PTPN4: variants seen among roughly 807,000 people sequenced by gnomAD.
PTPN4 encodes the protein protein tyrosine phosphatase non-receptor type 4.
A neutral mutation model predicts 135.5 loss-of-function variants in PTPN4; 49 were observed. That is an observed-to-expected ratio of 0.36 (90% confidence interval 0.29 to 0.46). PTPN4 has a LOEUF of 0.46. Among genes scored for constraint, PTPN4 ranks in the 20% least tolerant of loss-of-function variants. The pLI is 1.00. For missense variants in PTPN4, 860 were observed against 1,101.0 expected, an observed-to-expected ratio of 0.78 and a Z score of 3.10; for synonymous variants, 333 against 369.9, an observed-to-expected ratio of 0.90 and a Z score of 1.14.
intron 10 of PTPN4, among the ~76,000 whole-genome samples, chr2:119,907,200 A>G (rs565019390): frequency 2.2e-4 from 34 of 152,354 alleles, no homozygotes; most frequent in Admixed American, 3.9e-4. Flanking sequence ...TAGAAAAATT[A>G]GTACTGTGAA....
At position 119,803,587 on chromosome 2, in the gene PTPN4, G is replaced by A. The variant is rs183595581; in HGVS notation, c.-17-6250G>A. ...GATTTGTTTCTTAGCCCAGGATATG[G>A]TCTCTCTTGAAATGTTCAGTGGATG... On this transcript the variant is annotated intron_variant, in intron 1 of 26. Transcript: ENST00000263708. 9.9e-4 allele frequency among the ~76,000 whole-genome samples: 150 copies of A among 152,200 alleles called. No homozygotes were observed. In the Middle Eastern group the frequency reaches 0.017, roughly 17 times the overall value.
intron 1 of PTPN4, among the ~76,000 whole-genome samples, chr2:119,771,244 A>T (rs937665769): frequency 1.3e-5 from 2 of 152,192 alleles, no homozygotes; most frequent in African/African-American, 4.8e-5. Context: ...AGATGAGTGA[A>T]TGATCCCAAA....
chr2:119,947,635 C>T (rs1679154633), intron 18 of PTPN4, among the ~76,000 whole-genome samples: 1 of 151,842 alleles, frequency 6.6e-6, no homozygotes, highest in Admixed American at 6.6e-5. Flanking sequence ...TGTTTGATTC[C>T]TCTCAGTGTG....
At chr2:119,764,201 C>T (rs576413873) in intron 1 of PTPN4, among the ~76,000 whole-genome samples, 2 of 152,304 alleles carry the variant, frequency 1.3e-5, no homozygotes, top group South Asian at 4.1e-4. Flanking sequence ...TTCCCCACCT[C>T]CCCAACTGTT....
At chr2:119,910,725 C>T (rs1678558989) in intron 10 of PTPN4, among the ~76,000 whole-genome samples, 1 of 152,134 alleles carries the variant, frequency 6.6e-6, no homozygotes, top group Non-Finnish European at 1.5e-5. Flanking sequence ...CCTGCTTGCA[C>T]TTCTCCTTCC....
chr2:119,861,034 G>A (rs940969195), intron 2 of PTPN4, among the ~76,000 whole-genome samples: 26 of 142,136 alleles, frequency 1.8e-4, no homozygotes, highest in Admixed American at 9.4e-4. Context: ...CAACAAGAGC[G>A]AAACTCCATC....
intron 2 of PTPN4, among the ~76,000 whole-genome samples, chr2:119,843,204 T>C (rs1430297221): frequency 2.0e-5 from 3 of 149,602 alleles, no homozygotes; most frequent in Admixed American, 6.7e-5. Context: ...TGCCAAGAAT[T>C]GGTATGCATT....
At chr2:119,922,426 A>G (rs1489666582) in intron 12 of PTPN4, among the ~76,000 whole-genome samples, 1 of 152,168 alleles carries the variant, frequency 6.6e-6, no homozygotes, top group Non-Finnish European at 1.5e-5. Flanking sequence ...AGTATAATTG[A>G]CACATAAGAA....
intron 1 of PTPN4, among the ~76,000 whole-genome samples, chr2:119,781,031 G>A (rs35367661): frequency 0.034 from 5,102 of 152,158 alleles, 141 homozygotes; most frequent in Non-Finnish European, 0.053. Flanking sequence ...TTTATTCAGA[G>A]TATTATAATC....
chr2:119,806,177 G>A (rs1269870247), intron 1 of PTPN4, among the ~76,000 whole-genome samples: 2 of 152,090 alleles, frequency 1.3e-5, no homozygotes, highest in Admixed American at 1.3e-4. Context: ...CAACTAATGG[G>A]CAAAATAACC....
Position 119,977,887 on chromosome 2 carries a change from A to G in PTPN4, c.*817A>G, listed in dbSNP as rs535411522. The G allele has an allele frequency of 1.3e-5, 2 of 152,316 alleles. No homozygotes were observed. Among genetic ancestry groups the G allele is most frequent in the East Asian group, 3.9e-4 (2 of 5,192 alleles). 9.4% of individuals were successfully genotyped at this position (152,316 alleles called of 1,614,324 possible). A position where few individuals can be genotyped will look rare whatever the true frequency, so the allele number is the denominator to read the frequency against. ...CTCATTTGACCCCACTAGGAGGTAT[A>G]TATGTATATTGTACATTCGTATATT... is the stretch of plus-strand genomic sequence containing the variant. On this transcript the variant is annotated 3_prime_UTR_variant, in exon 27 of 27. Coordinates refer to ENST00000263708, the MANE Select transcript of PTPN4 (RefSeq NM_002830.4).
intron 1 of PTPN4, among the ~76,000 whole-genome samples, chr2:119,792,230 G>A (rs1036539644): frequency 2.0e-5 from 3 of 152,192 alleles, no homozygotes; most frequent in Non-Finnish European, 4.4e-5. Context: ...GAGCTAGAAT[G>A]TATAGAACCA....
chr2:119,822,364 C>CTT (rs35674640), intron 2 of PTPN4, among the ~76,000 whole-genome samples: 7 of 117,822 alleles, frequency 5.9e-5, no homozygotes, highest in South Asian at 6.3e-4. Context: ...CTCCCCCCCC[C>CTT]TTTTTTTTTT....
rs1414686203 is a variant in PTPN4 at position 119,877,534 on chromosome 2, A to G, written c.360A>G (p.Glu120=). 9 of 1,607,268 alleles carry G rather than the reference A, an allele frequency of 5.6e-6. No individual in the cohort carries two copies. Among genetic ancestry groups the G allele is most frequent in the Non-Finnish European group, 7.6e-6 (9 of 1,177,976 alleles). ...GTGACCCCAACAAGTTACAAGAAGA[A>G]TATACAAGGTGGGTTTATGGATATA... The part of the protein sequence containing the change: ...FVSDPNKLQE[E]YTRYQYFLQI... Residue 120 remains glutamate, a synonymous_variant, in exon 5 of 27, where the codon GAA becomes GAG. Transcript: ENST00000263708.
intron 25 of PTPN4, among the ~76,000 whole-genome samples, chr2:119,966,513 C>T (rs1377701253): frequency 6.6e-6 from 1 of 152,204 alleles, no homozygotes; most frequent in Non-Finnish European, 1.5e-5. Context: ...CTACTTCGGC[C>T]TCACAAAGTG....
At position 119,965,508 on chromosome 2, in the gene PTPN4, T is replaced by A. The variant is rs1453978194; in HGVS notation, c.2421T>A (p.Ser807Arg). The A allele has an allele frequency of 1.9e-6, 3 of 1,602,674 alleles. No homozygotes were observed. The highest frequency in any genetic ancestry group is 3.5e-5 in the Admixed American group (2 of 56,584). Residue 807 changes from serine to arginine, a missense_variant, in exon 25 of 27, where the codon AGT becomes AGA. By Grantham distance (110) the Ser-to-Arg change is moderately radical (BLOSUM62 -1). Transcript: ENST00000263708. ...TCATTTGTTCTTAGAAAAATGAAAG[T>A]CGTCCACTCACTCAGATCCAGTACA... is the stretch of plus-strand genomic sequence containing the variant. Reference protein sequence around the residue: ...MTLFNQEKNESRPLTQIQYIA... With the variant: ...MTLFNQEKNERRPLTQIQYIA...
intron 2 of PTPN4, among the ~76,000 whole-genome samples, chr2:119,815,651 GT>G (rs991630418): frequency 5.9e-5 from 9 of 151,834 alleles, no homozygotes; most frequent in South Asian, 2.1e-4. Context: ...TGAGAATTAG[GT>G]TTTTTTTATC....
chr2:119,923,253 A>G (rs898140764), intron 12 of PTPN4, among the ~76,000 whole-genome samples: 6 of 152,272 alleles, frequency 3.9e-5, no homozygotes, highest in African/African-American at 1.4e-4. Flanking sequence ...ACACACCTGT[A>G]GTCCTAACTA....
At chr2:119,873,721 T>A (rs1048544504) in intron 3 of PTPN4, among the ~76,000 whole-genome samples, 1 of 152,340 alleles carries the variant, frequency 6.6e-6, no homozygotes, top group East Asian at 1.9e-4. Flanking sequence ...TAATAAAATA[T>A]TATGACATTT....
Sources: gnomAD v4.1 joint callset for allele counts (sites outside exome capture counted in the v4.1 genomes callset) on GRCh38, gnomAD v4.1.1 for gene constraint, MANE v1.5 for transcripts, NCBI Gene and HGNC (gene_info 2026-07-23, HGNC 2026-07-21) for gene names.